CERS6: variants seen among roughly 807,000 people sequenced by gnomAD.
CERS6 encodes ceramide synthase 6.
In CERS6, 26 loss-of-function variants were observed where a neutral mutation model predicts 56.8. The observed-to-expected ratio is 0.46, with a 90% confidence interval of 0.34 to 0.63. The LOEUF (loss-of-function observed/expected upper bound fraction) is 0.63, where lower values mean the gene tolerates loss of function less well. Among genes scored for constraint, CERS6 ranks in the 30% least tolerant of loss-of-function variants. The pLI, the probability that CERS6 is intolerant of heterozygous loss-of-function variation, is 0.01. For synonymous variants in CERS6, 164 were observed against 173.3 expected (o/e 0.95, Z 0.42); for missense variants, 415 against 467.5 (o/e 0.89, Z 1.04).
intron 6 of CERS6, among the ~76,000 whole-genome samples, 161 bp from the exon 7 acceptor site, chr2:168,714,840 A>G (rs1049865598): frequency 8.5e-5 from 13 of 152,118 alleles, no homozygotes; most frequent in African/African-American, 2.9e-4. Context: ...CCAACACGTG[A>G]TGGACTCCTG....
intron 5 of CERS6, among the ~76,000 whole-genome samples, chr2:168,691,327 G>C (rs897117014): frequency 6.6e-6 from 1 of 152,158 alleles, no homozygotes; most frequent in African/African-American, 2.4e-5. Flanking sequence ...CATTTACAAG[G>C]GAATAGGATC....
At chr2:168,543,725 A>T (rs553790966) in intron 1 of CERS6, among the ~76,000 whole-genome samples, 6 of 150,884 alleles carry the variant, frequency 4.0e-5, no homozygotes, top group South Asian at 4.2e-4. Flanking sequence ...ATGCAATTTT[A>T]AAAAAATCTT....
intron 3 of CERS6, among the ~76,000 whole-genome samples, chr2:168,608,054 TAC>T (rs1684096672): frequency 1.3e-5 from 2 of 152,226 alleles, no homozygotes; most frequent in Non-Finnish European, 2.9e-5. Flanking sequence ...CACTCCCTTG[TAC>T]TCCCAGTCCC....
In CERS6 at chr2:168,555,722, C is replaced by CTGTATGTG. The variant is rs1553491464; in HGVS notation, c.277-5467_277-5466insATGTGTGT. On this transcript the variant is annotated intron_variant, in intron 2 of 9. Transcript: ENST00000305747. ...TTATTCTAGGAAAGTATAATTGACTCTGTGTGTGTGTGTGTGTGTGTGTGT... is the reference window on the plus strand; with the variant it reads ...TTATTCTAGGAAAGTATAATTGACTCTGTATGTGTGTGTGTGTGTGTGTGTGTGTGTGT... 2.9e-3 allele frequency among the ~76,000 whole-genome samples: 407 copies of CTGTATGTG among 141,016 alleles called. 1 individual carries two copies. Among genetic ancestry groups the CTGTATGTG allele is most frequent in the African/African-American group, 9.6e-3 (349 of 36,410 alleles). 92.5% of individuals were successfully genotyped at this position (141,016 alleles called of 152,430 possible).
At chr2:168,622,156 C>A (rs1476119312) in intron 3 of CERS6, among the ~76,000 whole-genome samples, 4 of 152,054 alleles carry the variant, frequency 2.6e-5, no homozygotes, top group Non-Finnish European at 2.9e-5. Flanking sequence ...CCCCATATAC[C>A]CTAGAAATGT....
At chr2:168,747,178 C>T (rs1463702041) in intron 8 of CERS6, among the ~76,000 whole-genome samples, 1 of 151,986 alleles carries the variant, frequency 6.6e-6, no homozygotes, top group African/African-American at 2.4e-5. Flanking sequence ...CCCAGTTACT[C>T]AGGAGGCTGA....
intron 2 of CERS6, among the ~76,000 whole-genome samples, chr2:168,553,326 T>C (rs1399688995): frequency 6.6e-6 from 1 of 152,188 alleles, no homozygotes; most frequent in African/African-American, 2.4e-5. Context: ...TAATTCAAGA[T>C]TTTTTCCTAA....
At chr2:168,753,863 G>A (rs1036920202) in intron 8 of CERS6, among the ~76,000 whole-genome samples, 2 of 152,160 alleles carry the variant, frequency 1.3e-5, no homozygotes, top group Admixed American at 6.5e-5. Context: ...GCTAGCTAGA[G>A]GAGAAATTTC....
intron 1 of CERS6, among the ~76,000 whole-genome samples, chr2:168,500,220 C>T (rs900868799): frequency 6.6e-6 from 1 of 152,170 alleles, no homozygotes; most frequent in Non-Finnish European, 1.5e-5. Flanking sequence ...TGAAGTTTTA[C>T]ATTATTTGCT....
chr2:168,730,498 A>G (rs1683494726), intron 8 of CERS6, among the ~76,000 whole-genome samples: 1 of 152,120 alleles, frequency 6.6e-6, no homozygotes, highest in Admixed American at 6.5e-5. Flanking sequence ...GGGGGTGGGG[A>G]ATTATCTTGC....
intron 1 of CERS6, among the ~76,000 whole-genome samples, chr2:168,494,798 C>G (rs1694436562): frequency 1.3e-5 from 2 of 152,174 alleles, no homozygotes; most frequent in Non-Finnish European, 2.9e-5. Context: ...TTAGCATTCT[C>G]CCCCTAGTGA....
chr2:168,651,937 T>C (rs1400680992), intron 4 of CERS6, among the ~76,000 whole-genome samples: 1 of 152,250 alleles, frequency 6.6e-6, no homozygotes, highest in Non-Finnish European at 1.5e-5. Flanking sequence ...ACAATAGTGA[T>C]TGATAATTTA....
At chr2:168,635,133 C>T (rs1203023981) in intron 4 of CERS6, among the ~76,000 whole-genome samples, 1 of 152,128 alleles carries the variant, frequency 6.6e-6, no homozygotes, top group African/African-American at 2.4e-5. Context: ...CACCCATTAG[C>T]ACCCCACTGA....
intron 1 of CERS6, among the ~76,000 whole-genome samples, chr2:168,471,436 T>C (rs1489296980): frequency 6.6e-6 from 1 of 152,268 alleles, no homozygotes; most frequent in Non-Finnish European, 1.5e-5. Context: ...ATTTAAAAAC[T>C]ATGTAATAGC....
In CERS6 at chr2:168,547,613, G is replaced by C; in HGVS notation, c.188G>C (p.Cys63Ser). The C allele has an allele frequency of 6.2e-7, 1 of 1,613,444 alleles. No individual in the cohort carries two copies. Among genetic ancestry groups the C allele is most frequent in the Non-Finnish European group, 8.5e-7 (1 of 1,179,470 alleles). Residue 63 changes from cysteine (C) to serine (S), a missense_variant, in exon 2 of 10, where the codon TGC becomes TCC. Cys to Ser is a moderately radical substitution (Grantham distance 112). Coordinates refer to ENST00000305747, the MANE Select transcript of CERS6 (RefSeq NM_203463.3). ...LIFERFVAKP[C>S]AIALNIQANG... ...ATTTTTAGATTTGTAGCCAAACCGT[G>C]CGCCATAGCCCTCAACATTCAGGCC...
At chr2:168,755,958 A>G (rs1403821272) in intron 8 of CERS6, among the ~76,000 whole-genome samples, 3 of 152,202 alleles carry the variant, frequency 2.0e-5, no homozygotes, top group Non-Finnish European at 4.4e-5. Flanking sequence ...TACCATTGAA[A>G]TCTCTAAGGG....
chr2:168,606,787 G>T (rs963952360), intron 3 of CERS6, among the ~76,000 whole-genome samples: 8 of 152,180 alleles, frequency 5.3e-5, no homozygotes, highest in African/African-American at 1.9e-4. Flanking sequence ...CATGGGGTTG[G>T]TTTCTCTTGG....
At chr2:168,768,904 C>CAAAAAAAAAAAAAAAAAAAAAAAAAAA (rs765504573) in intron 9 of CERS6, among the ~76,000 whole-genome samples, 1 of 59,412 alleles carries the variant, frequency 1.7e-5, no homozygotes, top group Non-Finnish European at 3.6e-5. Context: ...GACTCTGACT[C>CAAAAAAAAAAAAAAAAAAAAAAAAAAA]AAAAAAAAAA....
chr2:168,737,412 A>G (rs566899565), intron 8 of CERS6, among the ~76,000 whole-genome samples: 5 of 152,276 alleles, frequency 3.3e-5, no homozygotes, highest in Admixed American at 3.3e-4. Flanking sequence ...AAAATCTGAC[A>G]TTTGCTTTTT....
Sources: allele counts gnomAD v4.1 joint callset (sites outside exome capture counted in the v4.1 genomes callset), GRCh38; gene constraint gnomAD v4.1.1; transcripts MANE v1.5; gene names NCBI Gene and HGNC (gene_info 2026-07-23, HGNC 2026-07-21).